ZNF362: variants seen among roughly 807,000 people sequenced by gnomAD.
ZNF362 encodes zinc finger protein 362.
ZNF362 carries 11 observed loss-of-function variants against 42.9 expected under a neutral mutation model. The ratio of observed to expected loss-of-function variants is 0.26; its 90% confidence interval spans 0.16 to 0.42. The LOEUF is 0.42. ZNF362 is among the 20% of genes least tolerant of loss of function. ZNF362 has a pLI of 1.00. For missense variants in ZNF362, 362 were observed against 576.2 expected (o/e 0.63, Z 3.81); for synonymous variants, 255 against 257.3 (o/e 0.99, Z 0.09).
At chr1:33,216,577 G>A in the ZNF362 span, among the ~76,000 whole-genome samples, 1 of 119,992 alleles carries the variant, frequency 8.3e-6, no homozygotes, top group African/African-American at 3.0e-5. Context: ...TCCAGCGTGG[G>A]CCACAGAGCA....
chr1:33,183,021 A>G, the ZNF362 span, among the ~76,000 whole-genome samples: 5 of 152,218 alleles, frequency 3.3e-5, no homozygotes, highest in Non-Finnish European at 5.9e-5. Context: ...CACTCAGCAC[A>G]CAGTAAAGGT....
At position 33,280,900 on chromosome 1, in the gene ZNF362, C is replaced by G. The variant is rs1321903344; in HGVS notation, c.683+443C>G. Among the ~76,000 whole-genome samples the G allele has an allele frequency of 6.6e-6, 1 of 152,118 alleles. No homozygotes were observed. The highest frequency in any genetic ancestry group is 2.4e-5 in the African/African-American group (1 of 41,436). ...CCTGGCCAGCATGGTGAAACCTCGT[C>G]TCTACAAAAAATACAAAAGTTAGCC... On this transcript the variant is annotated intron_variant, in intron 5 of 8. Coordinates refer to ENST00000539719, the MANE Select transcript of ZNF362 (RefSeq NM_152493.3). The surrounding 1 kb of genome is among the most constrained non-coding windows in gnomAD (Gnocchi z 5.6).
At chr1:33,207,292 A>G in the ZNF362 span, among the ~76,000 whole-genome samples, 1 of 152,176 alleles carries the variant, frequency 6.6e-6, no homozygotes, top group Non-Finnish European at 1.5e-5. Flanking sequence ...ATACTTTTTT[A>G]TAGCTGCATA....
chr1:33,134,023 C>G, the ZNF362 span, among the ~76,000 whole-genome samples: 1 of 152,242 alleles, frequency 6.6e-6, no homozygotes, highest in South Asian at 2.1e-4. Context: ...GCTGGCTTCT[C>G]TGAGGCTAAA....
chr1:33,183,636 G>T, the ZNF362 span, among the ~76,000 whole-genome samples: 1 of 152,198 alleles, frequency 6.6e-6, no homozygotes, highest in Admixed American at 6.5e-5. Flanking sequence ...GGTTTGGGCA[G>T]GTCCAGCCTG....
the ZNF362 span, among the ~76,000 whole-genome samples, chr1:33,214,333 A>G: frequency 3.3e-5 from 5 of 152,330 alleles, no homozygotes; most frequent in African/African-American, 9.6e-5. Flanking sequence ...CTTGCCATAT[A>G]CAATAATCAA....
chr1:33,248,220 A>G, the ZNF362 span, among the ~76,000 whole-genome samples: 40 of 152,334 alleles, frequency 2.6e-4, no homozygotes, highest in Non-Finnish European at 4.9e-4. Context: ...GAGATGCAAC[A>G]TGGCTTGCCC....
At chr1:33,194,100 TA>T in the ZNF362 span, among the ~76,000 whole-genome samples, 1 of 152,134 alleles carries the variant, frequency 6.6e-6, no homozygotes, top group Non-Finnish European at 1.5e-5. Flanking sequence ...AATGAACTAT[TA>T]AAAATGCAAT....
chr1:33,260,976 A>G (rs575176942), intron 1 of ZNF362, among the ~76,000 whole-genome samples: 1 of 152,288 alleles, frequency 6.6e-6, no homozygotes, highest in East Asian at 1.9e-4. Context: ...GTGGACTCTC[A>G]CTGCCTTATT....
chr1:33,220,580 G>A, the ZNF362 span, among the ~76,000 whole-genome samples: 2 of 152,204 alleles, frequency 1.3e-5, no homozygotes, highest in East Asian at 3.9e-4. Context: ...CTGTGGGTGT[G>A]GAGGCGCCAT....
chr1:33,248,319 C>T, the ZNF362 span, among the ~76,000 whole-genome samples: 1 of 152,214 alleles, frequency 6.6e-6, no homozygotes, highest in Non-Finnish European at 1.5e-5. Context: ...GCCCATTTCA[C>T]TGCTATCTCC....
chr1:33,187,733 G>A, the ZNF362 span, among the ~76,000 whole-genome samples: 2 of 152,160 alleles, frequency 1.3e-5, no homozygotes, highest in Non-Finnish European at 2.9e-5. Context: ...ATGTCCTCTG[G>A]TAGAAGTGAT....
At position 33,281,548 on chromosome 1, in the gene ZNF362, G is replaced by A. The variant is rs1645994454; in HGVS notation, c.684-39G>A. 6.2e-7 allele frequency: 1 copy of A among 1,603,204 alleles called. No individual in the cohort carries two copies. Among genetic ancestry groups the A allele is most frequent in the African/African-American group, 1.3e-5 (1 of 74,694 alleles). ...AGGCCTCCCCTGAGATGGACAGTCTGGGGGATCTTCCCACGTGAACCTGTC... is the reference window on the plus strand; with the variant it reads ...AGGCCTCCCCTGAGATGGACAGTCTAGGGGATCTTCCCACGTGAACCTGTC... On this transcript the variant is annotated intron_variant, in intron 5 of 8. Coordinates refer to ENST00000539719, the MANE Select transcript of ZNF362 (RefSeq NM_152493.3). This position sits in a 1 kb window ranked among gnomAD's most constrained non-coding sequence, Gnocchi z 4.8.
the ZNF362 span, among the ~76,000 whole-genome samples, chr1:33,191,695 G>A: frequency 2.0e-5 from 3 of 151,976 alleles, no homozygotes; most frequent in African/African-American, 4.8e-5. Context: ...AGAAGAGATG[G>A]GGTTTCACCA....
chr1:33,149,590 G>A, the ZNF362 span, among the ~76,000 whole-genome samples: 1 of 151,910 alleles, frequency 6.6e-6, no homozygotes, highest in Non-Finnish European at 1.5e-5. Flanking sequence ...GAGTAGCTGA[G>A]ACTATAGGCA....
chr1:33,257,079 G>T (rs976212078), intron 1 of ZNF362, among the ~76,000 whole-genome samples: 6 of 152,202 alleles, frequency 3.9e-5, no homozygotes, highest in Non-Finnish European at 2.9e-5. Context: ...AGCAGCCAGT[G>T]CCGGATTTCT....
the ZNF362 span, among the ~76,000 whole-genome samples, chr1:33,232,074 G>C: frequency 6.6e-6 from 1 of 152,088 alleles, no homozygotes; most frequent in Non-Finnish European, 1.5e-5. Context: ...CAAGCACTCA[G>C]AGGACAGGGC....
At chr1:33,205,015 C>G in the ZNF362 span, among the ~76,000 whole-genome samples, 1 of 152,074 alleles carries the variant, frequency 6.6e-6, no homozygotes, top group Admixed American at 6.6e-5. Context: ...ATTAAAGACT[C>G]AAATAAATGG....
the ZNF362 span, among the ~76,000 whole-genome samples, chr1:33,172,581 G>A: frequency 6.6e-6 from 1 of 152,154 alleles, no homozygotes; most frequent in African/African-American, 2.4e-5. Context: ...GGTGAGTGGG[G>A]AGGACACACC....
Sources: allele counts gnomAD v4.1 joint callset (sites outside exome capture counted in the v4.1 genomes callset), GRCh38; gene constraint gnomAD v4.1.1; non-coding constraint Gnocchi (gnomAD v3.1); transcripts MANE v1.5; gene names NCBI Gene and HGNC (gene_info 2026-07-23, HGNC 2026-07-21).